Variants in GPHN observed in about 807,000 individuals in gnomAD.
The protein encoded by GPHN is gephyrin.
GPHN carries 17 observed loss-of-function variants against 95.5 expected under a neutral mutation model. That is an observed-to-expected ratio of 0.18 (90% CI 0.12 to 0.27). The LOEUF (loss-of-function observed/expected upper bound fraction) is 0.27. GPHN is among the 10% of genes least tolerant of loss of function. GPHN has a pLI of 1.00. For missense variants in GPHN, 660 were observed against 978.1 expected (o/e 0.67, Z 4.34); for synonymous variants, 320 against 322.5 (o/e 0.99, Z 0.08).
chr14:66,963,229 A>G (rs558674273), intron 8 of GPHN, among the ~76,000 whole-genome samples: 2 of 152,106 alleles, frequency 1.3e-5, no homozygotes, highest in East Asian at 3.9e-4. Flanking sequence ...GCCCGAAAGT[A>G]CCTAGCCACA....
intron 1 of GPHN, among the ~76,000 whole-genome samples, chr14:66,565,132 A>C (rs1056256907): frequency 6.6e-6 from 1 of 152,132 alleles, no homozygotes; most frequent in Non-Finnish European, 1.5e-5. Flanking sequence ...TTTCTCACCT[A>C]GTTTCAATGA....
intron 2 of GPHN, chr14:66,760,797 T>TA: frequency 3.9e-6 from 2 of 508,052 alleles, no homozygotes; most frequent in East Asian, 5.3e-5. Flanking sequence ...GGAATAAAAG[T>TA]ATTGATGCAA....
At chr14:67,565,402 C>G in the GPHN span, among the ~76,000 whole-genome samples, 1 of 152,128 alleles carries the variant, frequency 6.6e-6, no homozygotes, top group African/African-American at 2.4e-5. Flanking sequence ...CACCACCACA[C>G]CTGGCTAATT....
intron 10 of GPHN, among the ~76,000 whole-genome samples, chr14:67,037,929 T>C (rs2074507444): frequency 6.6e-6 from 1 of 152,042 alleles, no homozygotes; most frequent in South Asian, 2.1e-4. Flanking sequence ...AACTTTCATA[T>C]GATCTGTCAG....
At chr14:67,674,319 TC>T in the GPHN span, 1 of 1,448,166 alleles carries the variant, frequency 6.9e-7, no homozygotes, top group East Asian at 2.6e-5. Flanking sequence ...GGGAGAATCT[TC>T]CTTCCAAAGC....
rs182685685 is a variant in GPHN, at chr14:66,712,436, G to T, written c.143+31251G>T. Among the ~76,000 whole-genome samples, 908 of 152,074 alleles carry T rather than the reference G, an allele frequency of 6.0e-3. 1 individual carries two copies. Among genetic ancestry groups the T allele is most frequent in the Middle Eastern group, 0.024 (7 of 294 alleles). On this transcript the variant is annotated intron_variant, in intron 2 of 22. Coordinates refer to ENST00000478722, the MANE Select transcript of GPHN (RefSeq NM_020806.5). ...CTTTGCCCGCTTGTTGATGGGGTTGGTTTTTTCTGTAAATTTGTTTAAGTT... is the reference window on the plus strand; with the variant it reads ...CTTTGCCCGCTTGTTGATGGGGTTGTTTTTTTCTGTAAATTTGTTTAAGTT...
the GPHN span, among the ~76,000 whole-genome samples, chr14:67,416,312 C>T: frequency 3.3e-5 from 5 of 152,278 alleles, no homozygotes; most frequent in East Asian, 5.8e-4. Context: ...ACCTGGGGGA[C>T]GGCCAGCTAG....
At chr14:66,568,337 T>A (rs2060543125) in intron 1 of GPHN, among the ~76,000 whole-genome samples, 1 of 152,196 alleles carries the variant, frequency 6.6e-6, no homozygotes, top group African/African-American at 2.4e-5. Flanking sequence ...ATTAGTGTTC[T>A]TGGTTAGGCC....
At chr14:67,705,800 T>G in the GPHN span, among the ~76,000 whole-genome samples, 1 of 152,140 alleles carries the variant, frequency 6.6e-6, no homozygotes, top group African/African-American at 2.4e-5. Flanking sequence ...TGATCAACCA[T>G]GACAGAGGAA....
the GPHN span, among the ~76,000 whole-genome samples, chr14:67,283,023 G>A: frequency 1.3e-5 from 2 of 152,056 alleles, no homozygotes; most frequent in African/African-American, 2.4e-5. Context: ...TAAAATTGTT[G>A]TCTTTGAAGC....
intron 8 of GPHN, among the ~76,000 whole-genome samples, chr14:66,952,400 A>C (rs1413112437): frequency 6.6e-6 from 1 of 152,118 alleles, no homozygotes; most frequent in African/African-American, 2.4e-5. Context: ...TTCCATTGTA[A>C]GGTATACTGC....
At chr14:67,014,327 G>A (rs1955605) in intron 9 of GPHN, among the ~76,000 whole-genome samples, 20,271 of 151,882 alleles carry the variant, frequency 0.13, 2,492 homozygotes, top group East Asian at 0.43. Flanking sequence ...TCACTTATAC[G>A]TGAAGTTATG....
intron 1 of GPHN, among the ~76,000 whole-genome samples, chr14:66,611,772 T>A (rs1053587858): frequency 6.6e-6 from 1 of 152,202 alleles, no homozygotes; most frequent in Non-Finnish European, 1.5e-5. Context: ...CTCTACTGCC[T>A]GTGTCCGTGG....
chr14:66,736,148 G>T (rs891650215), intron 2 of GPHN, among the ~76,000 whole-genome samples: 2 of 151,872 alleles, frequency 1.3e-5, no homozygotes, highest in African/African-American at 4.8e-5. Flanking sequence ...AACACTGAAG[G>T]TTACTTTTTT....
At chr14:67,588,856 C>G in the GPHN span, 1 of 152,654 alleles carries the variant, frequency 6.6e-6, no homozygotes, top group Non-Finnish European at 1.5e-5. Context: ...CTTCTCCTCT[C>G]TCACCCCGTA....
At chr14:67,646,638 T>C in the GPHN span, 2 of 1,596,676 alleles carry the variant, frequency 1.3e-6, no homozygotes, top group Non-Finnish European at 1.7e-6. Context: ...TTTCTCCCTT[T>C]CATAGGTACC....
chr14:66,548,816 A>G (rs1809844276), intron 1 of GPHN, among the ~76,000 whole-genome samples: 1 of 152,240 alleles, frequency 6.6e-6, no homozygotes, highest in African/African-American at 2.4e-5. Flanking sequence ...TCTTGTGCCA[A>G]ATAGCCAAGT....
At chr14:66,972,229 T>G (rs138760050) in intron 9 of GPHN, among the ~76,000 whole-genome samples, 1 of 143,622 alleles carries the variant, frequency 7.0e-6, no homozygotes, top group East Asian at 2.0e-4. Flanking sequence ...GATTGCACCA[T>G]TGCACTCCAG....
the GPHN span, among the ~76,000 whole-genome samples, chr14:67,403,271 T>G: frequency 1.3e-5 from 2 of 152,220 alleles, no homozygotes; most frequent in African/African-American, 4.8e-5. Flanking sequence ...TTGATGCATG[T>G]TTGGTGGTAG....
Sources: allele counts gnomAD v4.1 joint callset (sites outside exome capture counted in the v4.1 genomes callset), GRCh38; gene constraint gnomAD v4.1.1; transcripts MANE v1.5; gene names NCBI Gene and HGNC (gene_info 2026-07-23, HGNC 2026-07-21).